The following GAS2 variants were observed in gnomAD, a reference collection of about 807,000 sequenced individuals.
The protein encoded by GAS2 is growth arrest specific 2, also known as growth arrest-specific protein 2.
In GAS2, 20 loss-of-function variants were observed where a neutral mutation model predicts 37.5. That is an observed-to-expected ratio of 0.53 (90% CI 0.37 to 0.77). The LOEUF (loss-of-function observed/expected upper bound fraction) is 0.77, where lower values mean the gene tolerates loss of function less well. Among genes scored for constraint, GAS2 ranks in the 30% least tolerant of loss-of-function variants. The pLI is 0.00. For synonymous variants in GAS2, 144 were observed against 132.2 expected (o/e 1.09, Z -0.61); for missense variants, 336 against 373.4 (o/e 0.90, Z 0.82).
chr11:22,783,874 C>A (rs1855694425), intron 7 of GAS2, among the ~76,000 whole-genome samples: 1 of 152,080 alleles, frequency 6.6e-6, no homozygotes, highest in South Asian at 2.1e-4. Flanking sequence ...CTTAGCCAGC[C>A]ATCCAAGCAG....
intron 4 of GAS2, among the ~76,000 whole-genome samples, chr11:22,727,293 T>C (rs1023749424): frequency 6.6e-6 from 1 of 152,066 alleles, no homozygotes. Context: ...TCTTTTTGCC[T>C]GAAGCCTTAA....
chr11:22,744,728 A>G (rs1311428567), intron 5 of GAS2, among the ~76,000 whole-genome samples: 1 of 152,130 alleles, frequency 6.6e-6, no homozygotes, highest in Non-Finnish European at 1.5e-5. Context: ...AACTGGAAGC[A>G]TTTCCCTTAA....
intron 7 of GAS2, among the ~76,000 whole-genome samples, chr11:22,791,352 T>C (rs935975631): frequency 6.6e-6 from 1 of 152,182 alleles, no homozygotes; most frequent in African/African-American, 2.4e-5. Context: ...ACCAGGTCCA[T>C]GGTGTAGATG....
intron 3 of GAS2, among the ~76,000 whole-genome samples, chr11:22,723,379 G>A (rs1308277062): frequency 6.6e-6 from 1 of 151,874 alleles, no homozygotes; most frequent in Non-Finnish European, 1.5e-5. Flanking sequence ...TGATAGGTAC[G>A]TGACTTTGTA....
intron 1 of GAS2, among the ~76,000 whole-genome samples, chr11:22,627,926 T>C (rs1195459152): frequency 6.6e-6 from 1 of 152,126 alleles, no homozygotes; most frequent in African/African-American, 2.4e-5. Flanking sequence ...CCAGGCCTAT[T>C]TAAGGAGGTG....
chr11:22,732,971 T>C (rs1852558533), intron 4 of GAS2, among the ~76,000 whole-genome samples: 1 of 151,736 alleles, frequency 6.6e-6, no homozygotes, highest in Non-Finnish European at 1.5e-5. Context: ...TATATACACA[T>C]CACCTGGAAA....
intron 3 of GAS2, among the ~76,000 whole-genome samples, chr11:22,690,176 A>C (rs1364586058): frequency 6.6e-6 from 1 of 152,184 alleles, no homozygotes; most frequent in Non-Finnish European, 1.5e-5. Flanking sequence ...GTATGTGTGA[A>C]GTATGTCTGT....
intron 1 of GAS2, among the ~76,000 whole-genome samples, chr11:22,632,887 CT>C (rs1218146648): frequency 1.3e-5 from 2 of 151,442 alleles, no homozygotes; most frequent in Admixed American, 6.6e-5. Flanking sequence ...CTAAATGTGT[CT>C]TTTGTTTCCA....
At chr11:22,805,958 T>C in intron 7 of GAS2, among the ~76,000 whole-genome samples, 1 of 152,056 alleles carries the variant, frequency 6.6e-6, no homozygotes, top group East Asian at 1.9e-4. Flanking sequence ...TTTGATGGGT[T>C]TTGGCTGGCT....
chr11:22,681,842 A>G (rs1015190624), intron 2 of GAS2, among the ~76,000 whole-genome samples: 4 of 150,550 alleles, frequency 2.7e-5, no homozygotes, highest in African/African-American at 4.9e-5. Flanking sequence ...TATTTTTTTG[A>G]AAAAAATACT....
At chr11:22,638,449 G>A (rs1002715585) in intron 1 of GAS2, among the ~76,000 whole-genome samples, 3 of 151,576 alleles carry the variant, frequency 2.0e-5, no homozygotes, top group African/African-American at 2.4e-5. Context: ...AGGTTCAAGC[G>A]ATTCTCCTGC....
upstream of GAS2, among the ~76,000 whole-genome samples, chr11:22,661,992 A>G (rs934130520): frequency 1.3e-5 from 2 of 152,224 alleles, no homozygotes; most frequent in African/African-American, 2.4e-5. Flanking sequence ...ATAGTAAAGT[A>G]CGTAATGTTT....
intron 6 of GAS2, among the ~76,000 whole-genome samples, chr11:22,755,493 G>C (rs1853977255): frequency 6.6e-6 from 1 of 152,018 alleles, no homozygotes; most frequent in Non-Finnish European, 1.5e-5. Context: ...GTTTTCAATA[G>C]GTTGACCTTG....
At chr11:22,711,209 A>T (rs927457352) in intron 3 of GAS2, among the ~76,000 whole-genome samples, 1 of 152,224 alleles carries the variant, frequency 6.6e-6, no homozygotes, top group African/African-American at 2.4e-5. Context: ...GAACTGAAAA[A>T]TCCTGATCAT....
chr11:22,649,204 T>C (rs1474308507), intron 1 of GAS2, among the ~76,000 whole-genome samples: 1 of 151,926 alleles, frequency 6.6e-6, no homozygotes, highest in Non-Finnish European at 1.5e-5. Flanking sequence ...GCTCTGTTTA[T>C]ATGCTGGATT....
At chr11:22,696,514 C>G (rs1438137700) in intron 3 of GAS2, among the ~76,000 whole-genome samples, 1 of 152,026 alleles carries the variant, frequency 6.6e-6, no homozygotes, top group African/African-American at 2.4e-5. Context: ...TGAGGAATCG[C>G]CACACTGACT....
chr11:22,659,539 C>T (rs1178421390), intron 1 of GAS2, among the ~76,000 whole-genome samples: 1 of 152,122 alleles, frequency 6.6e-6, no homozygotes, highest in Non-Finnish European at 1.5e-5. Context: ...TCCTCAAAAG[C>T]CTTCTTCGGT....
intron 7 of GAS2, among the ~76,000 whole-genome samples, chr11:22,788,134 TTA>T (rs1278271206): frequency 6.6e-6 from 1 of 152,204 alleles, no homozygotes; most frequent in African/African-American, 2.4e-5. Flanking sequence ...TGCACTGTTA[TTA>T]TGTTATAGTA....
At chr11:22,782,869 C>A (rs900778876) in intron 7 of GAS2, among the ~76,000 whole-genome samples, 1 of 146,836 alleles carries the variant, frequency 6.8e-6, no homozygotes, top group Non-Finnish European at 1.5e-5. Flanking sequence ...TAGGTTGATT[C>A]CACGTCTTTG....
Sources: gnomAD v4.1 joint callset for allele counts (sites outside exome capture counted in the v4.1 genomes callset) on GRCh38, gnomAD v4.1.1 for gene constraint, MANE v1.5 for transcripts, NCBI Gene and HGNC (gene_info 2026-07-23, HGNC 2026-07-21) for gene names.